CYFIP1: variants seen among roughly 807,000 people sequenced by gnomAD.
CYFIP1 encodes the protein cytoplasmic FMR1-interacting protein 1.
In CYFIP1, 58 loss-of-function variants were observed where a neutral mutation model predicts 163.5. The observed-to-expected ratio is 0.35, with a 90% CI of 0.29 to 0.44. CYFIP1 has a LOEUF of 0.44. Among genes scored for constraint, CYFIP1 ranks in the 20% least tolerant of loss-of-function variants. The probability of loss-of-function intolerance (pLI) is 1.00; values close to 1 mark genes in which losing one functional copy is unlikely to be tolerated. For missense variants in CYFIP1, 1,338 were observed against 1,653.8 expected (o/e 0.81, Z 3.31); for synonymous variants, 663 against 660.7 (o/e 1.00, Z -0.05).
Position 22,879,853 on chromosome 15 carries a change from CCGGTG to C in CYFIP1, c.3042+55_3042+59del, listed in dbSNP as rs1159175840. ...CCCGCCAAAGAAAGCCCTCCCCTGG[CCGGTG>C]GGGTGGGGTGGGGTGGGCTGGGGCG... On this transcript the variant is annotated intron_variant, in intron 26 of 30. Coordinates refer to ENST00000617928, the MANE Select transcript of CYFIP1 (RefSeq NM_014608.6). 13 of 1,212,796 alleles carry C rather than the reference CCGGTG, an allele frequency of 1.1e-5. No individual in the cohort carries two copies. The East Asian group carries it at 3.4e-4, about 32-fold the overall frequency. The allele number at this position is 1,212,796 out of a possible 1,614,324, so 75.1% of individuals were successfully genotyped here. A position where few individuals can be genotyped will look rare whatever the true frequency, so the allele number is the denominator to read the frequency against.
At chr15:22,939,551 C>A (rs1263226313) in intron 6 of CYFIP1, 44 bp from the exon 7 acceptor site, 43 of 608,876 alleles carry the variant, frequency 7.1e-5, no homozygotes, top group Non-Finnish European at 1.0e-4. Flanking sequence ...ACCAACGTGC[C>A]ACATTTAAAA....
intron 13 of CYFIP1, among the ~76,000 whole-genome samples, chr15:22,925,633 G>A (rs1301895864): frequency 3.9e-5 from 6 of 152,162 alleles, no homozygotes; most frequent in Admixed American, 3.9e-4. Flanking sequence ...CCATGGAAAG[G>A]CTCACGAGGG....
At chr15:22,908,423 G>A (rs1470425084) in intron 21 of CYFIP1, among the ~76,000 whole-genome samples, 1 of 150,482 alleles carries the variant, frequency 6.6e-6, no homozygotes, top group Non-Finnish European at 1.5e-5. Flanking sequence ...CTTACCTGGA[G>A]ATGAGATGAA....
intron 26 of CYFIP1, among the ~76,000 whole-genome samples, chr15:22,875,775 C>A (rs1387675760): frequency 6.6e-6 from 1 of 151,320 alleles, no homozygotes; most frequent in Non-Finnish European, 1.5e-5. Flanking sequence ...TCCACTCATT[C>A]CCTACAGAGC....
At chr15:22,931,707 A>T (rs1252495621) in intron 11 of CYFIP1, among the ~76,000 whole-genome samples, 1 of 149,952 alleles carries the variant, frequency 6.7e-6, no homozygotes, top group Non-Finnish European at 1.5e-5. Context: ...AAAAAAAAAA[A>T]AAAGCTTTTT....
At chr15:22,905,268 T>C (rs1415856417) in intron 21 of CYFIP1, 1 of 152,190 alleles carries the variant, frequency 6.6e-6, no homozygotes, top group African/African-American at 2.4e-5. Flanking sequence ...ATGTATGCTT[T>C]TAATAGACAC....
At chr15:22,932,526 A>C (rs2061571759) in intron 10 of CYFIP1, among the ~76,000 whole-genome samples, 186 bp from the exon 11 acceptor site, 1 of 152,224 alleles carries the variant, frequency 6.6e-6, no homozygotes, top group Admixed American at 6.5e-5. Context: ...AAAGCCTAAA[A>C]TACTTGTTAT....
At chr15:22,962,246 G>C (rs1288126429) in intron 1 of CYFIP1, among the ~76,000 whole-genome samples, 1 of 152,166 alleles carries the variant, frequency 6.6e-6, no homozygotes, top group Non-Finnish European at 1.5e-5. Flanking sequence ...AATTAGTAAT[G>C]TTTAATGATG....
At position 22,947,309 on chromosome 15, in the gene CYFIP1, G is replaced by A. The variant is rs1368811615; in HGVS notation, c.-6-18C>T. ...ATCCTGGGCTGGAACAACACATAAG[G>A]ACCCCTGTTCTGTGAGGAGAAGGAG... On this transcript the variant is annotated intron_variant, in intron 1 of 30. Transcript: ENST00000617928. The A allele has an allele frequency of 2.5e-6, 4 of 1,611,144 alleles. No homozygotes were observed. The South Asian group carries it at 4.4e-5, about 18-fold the overall frequency.
intron 13 of CYFIP1, among the ~76,000 whole-genome samples, chr15:22,919,477 C>T (rs1196793809): frequency 6.6e-6 from 1 of 152,176 alleles, no homozygotes; most frequent in Non-Finnish European, 1.5e-5. Flanking sequence ...AGCTTTCTTA[C>T]GGCTTTTGCC....
intron 1 of CYFIP1, among the ~76,000 whole-genome samples, chr15:22,979,553 C>A (rs1164362465): frequency 6.6e-6 from 1 of 152,210 alleles, no homozygotes; most frequent in African/African-American, 2.4e-5. Context: ...GAGCTGACAC[C>A]GTCCAGACGC....
rs1046662086 is a variant in CYFIP1 at position 22,886,805 on chromosome 15, G to A, written c.2677-3794C>T. Among the ~76,000 whole-genome samples the A allele has an allele frequency of 3.3e-5, 5 of 152,146 alleles. No homozygotes were observed. In the East Asian group the frequency reaches 7.7e-4, roughly 23 times the overall value. On this transcript the variant is annotated intron_variant, in intron 23 of 30. Transcript: ENST00000617928. ...ACACGTCAGTTAGATCCTGTTGGTC[G>A]ATGGTGGTGTTCAGTTCTTTTCTAC...
intron 21 of CYFIP1, among the ~76,000 whole-genome samples, chr15:22,906,976 G>C (rs1321574023): frequency 6.6e-6 from 1 of 152,120 alleles, no homozygotes; most frequent in African/African-American, 2.4e-5. Context: ...GCTCTCTCAT[G>C]CTTCTGAAGA....
At chr15:22,893,687 G>A (rs2060142838) in intron 22 of CYFIP1, among the ~76,000 whole-genome samples, 1 of 152,148 alleles carries the variant, frequency 6.6e-6, no homozygotes. Context: ...GAGAGGACGT[G>A]CTGCACAGAG....
intron 13 of CYFIP1, among the ~76,000 whole-genome samples, chr15:22,920,159 CTTTTTTTTTT>C (rs71117470): frequency 1.3e-5 from 1 of 75,520 alleles, no homozygotes; most frequent in Non-Finnish European, 2.3e-5. Flanking sequence ...ATTAAGGCAG[CTTTTTTTTTT>C]TTTTTTTTTT....
chr15:22,883,587 G>A (rs1566925874), intron 23 of CYFIP1, among the ~76,000 whole-genome samples: 1 of 152,160 alleles, frequency 6.6e-6, no homozygotes, highest in East Asian at 1.9e-4. Context: ...GGAGGCCGAG[G>A]TGGGCAGATC....
rs770002354 is a variant in CYFIP1, at chr15:22,903,706, C to T, written c.2588G>A (p.Arg863Gln). 1.4e-5 allele frequency: 22 copies of T among 1,613,196 alleles called. No individual in the cohort carries two copies. Among genetic ancestry groups the T allele is most frequent in the Admixed American group, 6.7e-5 (4 of 60,016 alleles). The change falls in exon 22 of 31, where the codon CGG becomes CAG. Residue 863 changes from arginine (R) to glutamine (Q), a missense_variant and splice_region_variant. Coordinates refer to ENST00000617928, the MANE Select transcript of CYFIP1 (RefSeq NM_014608.6). ...PNYCYNGSTN[R>Q]FVRTVLPFSQ... is the part of the protein sequence containing the mutation. Reference sequence around the variant, plus strand: ...GCGCCTGTGTGGCGGGCACGCTCACCGGTTGGTAGAGCCGTTGTAGCAGTA... The same window carrying T: ...GCGCCTGTGTGGCGGGCACGCTCACTGGTTGGTAGAGCCGTTGTAGCAGTA...
In CYFIP1 at chr15:22,944,670, A is replaced by G; in HGVS notation, c.286-11T>C. 1 of 1,609,644 alleles carries G rather than the reference A, an allele frequency of 6.2e-7. No individual in the cohort carries two copies. The highest frequency in any genetic ancestry group is 8.5e-7 in the Non-Finnish European group (1 of 1,175,856). On this transcript the variant is annotated splice_polypyrimidine_tract_variant and intron_variant, in intron 4 of 30. Coordinates refer to ENST00000617928, the MANE Select transcript of CYFIP1 (RefSeq NM_014608.6). ...CTCGTTACATTTCACCTGGGAATAA[A>G]GGAACAAGGATGACATAAGAGGCTT...
At chr15:22,911,639 G>A (rs548792926) in intron 18 of CYFIP1, among the ~76,000 whole-genome samples, 10 of 152,312 alleles carry the variant, frequency 6.6e-5, no homozygotes, top group Admixed American at 5.9e-4. Flanking sequence ...GGGCCAAGAA[G>A]GGCGTCTCTG....
Sources: allele counts gnomAD v4.1 joint callset (sites outside exome capture counted in the v4.1 genomes callset), GRCh38; gene constraint gnomAD v4.1.1; transcripts MANE v1.5; gene names NCBI Gene and HGNC (gene_info 2026-07-23, HGNC 2026-07-21).